Variants in FHL5 observed in about 807,000 individuals in gnomAD.
FHL5 encodes the protein four and a half LIM domains 5.
In FHL5, 33 loss-of-function variants were observed where a neutral mutation model predicts 32.0. That is an observed-to-expected ratio of 1.03 (90% CI 0.78 to 1.38). The LOEUF (loss-of-function observed/expected upper bound fraction) is 1.38. Among genes scored for constraint, FHL5 ranks in the 40% most tolerant of loss-of-function variants. FHL5 has a pLI of 0.00. For missense variants in FHL5, 336 were observed against 343.9 expected (o/e 0.98, Z 0.18); for synonymous variants, 114 against 113.6 (o/e 1.00, Z -0.02).
intron 1 of FHL5, among the ~76,000 whole-genome samples, chr6:96,569,650 G>A (rs78513745): frequency 0.012 from 1,788 of 151,952 alleles, 33 homozygotes; most frequent in African/African-American, 0.034. Context: ...TCTTCTTGCT[G>A]AAGTGAAAAT....
At chr6:96,587,713 T>C (rs1290211003) in intron 1 of FHL5, among the ~76,000 whole-genome samples, 4 of 152,262 alleles carry the variant, frequency 2.6e-5, no homozygotes, top group African/African-American at 9.6e-5. Flanking sequence ...GATAATCTTA[T>C]ATTGCATCCT....
At chr6:96,611,807 C>T (rs184394143) in intron 5 of FHL5, among the ~76,000 whole-genome samples, 4 of 152,242 alleles carry the variant, frequency 2.6e-5, no homozygotes, top group Admixed American at 2.0e-4. Flanking sequence ...GAGGGTGTCA[C>T]CAGAAAAAAA....
At chr6:96,585,932 T>C (rs1180231596) in intron 1 of FHL5, among the ~76,000 whole-genome samples, 2 of 152,230 alleles carry the variant, frequency 1.3e-5, no homozygotes, top group Non-Finnish European at 2.9e-5. Context: ...CTGTGTTAAC[T>C]GAAACTTGTG....
chr6:96,572,287 AG>A (rs1292270491), intron 1 of FHL5, among the ~76,000 whole-genome samples: 1 of 152,136 alleles, frequency 6.6e-6, no homozygotes, highest in Non-Finnish European at 1.5e-5. Flanking sequence ...CCTAGGATGC[AG>A]GGCACCACTT....
intron 1 of FHL5, among the ~76,000 whole-genome samples, chr6:96,590,629 T>G (rs570682659): frequency 4.6e-5 from 7 of 152,224 alleles, no homozygotes; most frequent in Admixed American, 4.6e-4. Flanking sequence ...GCTTCCAGTA[T>G]AAAGCTGAAT....
chr6:96,598,399 C>T (rs1771079577), intron 1 of FHL5, among the ~76,000 whole-genome samples: 1 of 152,196 alleles, frequency 6.6e-6, no homozygotes, highest in African/African-American at 2.4e-5. Flanking sequence ...CCTTTAGCTC[C>T]TTGATCCCTC....
chr6:96,582,451 T>C (rs1770714237), intron 1 of FHL5, among the ~76,000 whole-genome samples: 1 of 152,200 alleles, frequency 6.6e-6, no homozygotes, highest in Admixed American at 6.6e-5. Flanking sequence ...TGCTATTATA[T>C]ACTGTATTTT....
intron 5 of FHL5, 69 bp downstream of exon 5, chr6:96,610,827 AT>A: frequency 8.6e-7 from 1 of 1,158,808 alleles, no homozygotes; most frequent in Non-Finnish European, 1.2e-6. Flanking sequence ...TATCTAGTTA[AT>A]TTAGGAAAAG....
chr6:96,584,460 T>TG lies in FHL5; in HGVS notation c.-12-19142_-12-19141insG, dbSNP rs1554173367. ...ATGTGTGTGTGTGTGTGTGTGTGTG[T>TG]TTGTGTGTGTGTGTGTGTGTGTGTG... On this transcript the variant is annotated intron_variant, in intron 1 of 5. Transcript: ENST00000450218. Among the ~76,000 whole-genome samples the TG allele has an allele frequency of 1.7e-3, 237 of 140,664 alleles. 2 individuals are homozygous for TG. Among genetic ancestry groups the TG allele is most frequent in the Middle Eastern group, 3.6e-3 (1 of 276 alleles). The allele number at this position is 140,664 out of a possible 152,430, so 92.3% of individuals were successfully genotyped here.
chr6:96,576,662 A>C (rs1378331669), intron 1 of FHL5, among the ~76,000 whole-genome samples: 1 of 152,258 alleles, frequency 6.6e-6, no homozygotes, highest in East Asian at 1.9e-4. Flanking sequence ...GTTTAAAGTG[A>C]AAAAGACAGA....
intron 1 of FHL5, among the ~76,000 whole-genome samples, chr6:96,591,494 T>G (rs191922481): frequency 6.1e-4 from 93 of 152,180 alleles, no homozygotes; most frequent in African/African-American, 2.0e-3. Flanking sequence ...TTAACGTGGG[T>G]GGATGATTAA....
At chr6:96,585,770 CAG>C (rs934815390) in intron 1 of FHL5, among the ~76,000 whole-genome samples, 14 of 152,080 alleles carry the variant, frequency 9.2e-5, no homozygotes, top group African/African-American at 2.4e-4. Context: ...AACACATGAA[CAG>C]AGAGTCATTA....
At chr6:96,586,961 G>A (rs1223565844) in intron 1 of FHL5, among the ~76,000 whole-genome samples, 1 of 152,220 alleles carries the variant, frequency 6.6e-6, no homozygotes, top group African/African-American at 2.4e-5. Flanking sequence ...GGCTTTGCCA[G>A]TCCGATCCTG....
intron 3 of FHL5, 62 bp from the exon 4 acceptor site, chr6:96,605,839 AT>A (rs1771264244): frequency 1.4e-6 from 2 of 1,397,860 alleles, no homozygotes; most frequent in Non-Finnish European, 9.9e-7. Flanking sequence ...TTTGATCTGT[AT>A]TTGCTTAAAA....
At chr6:96,568,221 C>G (rs1043469374) in intron 1 of FHL5, among the ~76,000 whole-genome samples, 2 of 151,760 alleles carry the variant, frequency 1.3e-5, no homozygotes, top group Non-Finnish European at 3.0e-5. Context: ...TTTTCTCTAT[C>G]TCTTGAGATG....
At chr6:96,579,055 T>C (rs972558975) in intron 1 of FHL5, among the ~76,000 whole-genome samples, 2 of 152,162 alleles carry the variant, frequency 1.3e-5, no homozygotes, top group Non-Finnish European at 2.9e-5. Flanking sequence ...TTCTTCTAGT[T>C]CTTGAATTCT....
At chr6:96,604,307 TTCTCTC>T (rs3839356) in intron 2 of FHL5, among the ~76,000 whole-genome samples, 30 of 145,902 alleles carry the variant, frequency 2.1e-4, no homozygotes, top group Admixed American at 9.6e-4. Flanking sequence ...TCCTCTCTCT[TTCTCTC>T]TCTCTCTCTC....
At chr6:96,615,522 T>C (rs1771498751) in intron 5 of FHL5, 87 bp from the exon 6 acceptor site, 1 of 1,103,506 alleles carries the variant, frequency 9.1e-7, no homozygotes, top group Non-Finnish European at 1.3e-6. Context: ...CATAGCTCTA[T>C]CTCCAGTTCC....
chr6:96,611,245 G>A (rs1344067721), intron 5 of FHL5, among the ~76,000 whole-genome samples: 1 of 152,150 alleles, frequency 6.6e-6, no homozygotes, highest in African/African-American at 2.4e-5. Context: ...GCATAGGTCA[G>A]TAATTAATTA....
Sources: gnomAD v4.1 joint callset for allele counts (sites outside exome capture counted in the v4.1 genomes callset) on GRCh38, gnomAD v4.1.1 for gene constraint, MANE v1.5 for transcripts, NCBI Gene and HGNC (gene_info 2026-07-23, HGNC 2026-07-21) for gene names.